The following GALNTL6 variants were observed in gnomAD, a reference collection of about 807,000 sequenced individuals.
GALNTL6 encodes the protein polypeptide N-acetylgalactosaminyltransferase-like 6.
GALNTL6 carries 46 observed loss-of-function variants against 73.7 expected under a neutral mutation model. The ratio of observed to expected loss-of-function variants is 0.62; its 90% CI spans 0.49 to 0.80. GALNTL6 has a LOEUF of 0.80. Ranked by LOEUF, GALNTL6 falls within the 30% of genes least tolerant of loss-of-function variation. The pLI, the probability that GALNTL6 is intolerant of heterozygous loss-of-function variation, is 0.00. For missense variants in GALNTL6, 604 were observed against 755.0 expected (o/e 0.80, Z 2.34); for synonymous variants, 259 against 263.7 (o/e 0.98, Z 0.17).
chr4:172,617,418 A>G, intron 5 of GALNTL6, among the ~76,000 whole-genome samples: 1 of 148,196 alleles, frequency 6.7e-6, no homozygotes. Context: ...AAAAAAAAAA[A>G]GAAGAAAAGA....
At chr4:171,828,130 G>T (rs1734873531) in intron 2 of GALNTL6, among the ~76,000 whole-genome samples, 1 of 152,122 alleles carries the variant, frequency 6.6e-6, no homozygotes, top group African/African-American at 2.4e-5. Context: ...ATATAAAGAT[G>T]CAGTATTGGG....
intron 2 of GALNTL6, among the ~76,000 whole-genome samples, chr4:171,980,095 C>T (rs1009856655): frequency 6.6e-6 from 1 of 152,030 alleles, no homozygotes; most frequent in Non-Finnish European, 1.5e-5. Context: ...TGTTTATTTC[C>T]TCAAATGCAT....
At chr4:171,925,601 T>C (rs1273412800) in intron 2 of GALNTL6, among the ~76,000 whole-genome samples, 1 of 152,206 alleles carries the variant, frequency 6.6e-6, no homozygotes, top group African/African-American at 2.4e-5. Flanking sequence ...TTTTGATATA[T>C]TTCATTTATA....
At position 172,530,165 on chromosome 4, in the gene GALNTL6, G is replaced by A. The variant is rs1735121649; in HGVS notation, c.553+181476G>A. Reference sequence around the variant, plus strand: ...AAAACTCGAAGCTACCAACCTTTATGACTGTCTACTTCCCTTACCCACATT... The same window carrying A: ...AAAACTCGAAGCTACCAACCTTTATAACTGTCTACTTCCCTTACCCACATT... On this transcript the variant is annotated intron_variant, in intron 5 of 12. Coordinates refer to ENST00000506823, the MANE Select transcript of GALNTL6 (RefSeq NM_001034845.3). 2.0e-5 allele frequency among the ~76,000 whole-genome samples: 3 copies of A among 152,014 alleles called. No individual in the cohort carries two copies. The South Asian group carries it at 6.2e-4, about 31-fold the overall frequency.
intron 10 of GALNTL6, among the ~76,000 whole-genome samples, chr4:172,989,376 G>A (rs1327789128): frequency 6.6e-6 from 1 of 152,186 alleles, no homozygotes; most frequent in Non-Finnish European, 1.5e-5. Context: ...TTGAGTTAAT[G>A]CTGAAATGAA....
chr4:173,021,406 T>C, intron 11 of GALNTL6, 70 bp from the exon 12 acceptor site: 1 of 1,494,726 alleles, frequency 6.7e-7, no homozygotes, highest in Non-Finnish European at 9.2e-7. Flanking sequence ...AAGACATACC[T>C]TCCCCCGCCC....
chr4:172,084,846 A>C (rs1046027454), intron 2 of GALNTL6, among the ~76,000 whole-genome samples: 1 of 152,202 alleles, frequency 6.6e-6, no homozygotes, highest in Non-Finnish European at 1.5e-5. Context: ...GAAGGAGAAT[A>C]GACACAGCCA....
At chr4:171,829,960 GTCT>G (rs1159021770) in intron 2 of GALNTL6, among the ~76,000 whole-genome samples, 1 of 151,660 alleles carries the variant, frequency 6.6e-6, no homozygotes, top group Non-Finnish European at 1.5e-5. Context: ...TCAATCACAA[GTCT>G]TCTTACAAAA....
In GALNTL6 at chr4:172,950,557, G is replaced by C. The variant is rs143962630; in HGVS notation, c.1150-1480G>C. ...GGACAAGGTCAGACAGGAGAGACCTGCTGGGAGACACTGAACACACGGAGT... is the reference window on the plus strand; with the variant it reads ...GGACAAGGTCAGACAGGAGAGACCTCCTGGGAGACACTGAACACACGGAGT... On this transcript the variant is annotated intron_variant, in intron 9 of 12. Coordinates refer to ENST00000506823, the MANE Select transcript of GALNTL6 (RefSeq NM_001034845.3). Among the ~76,000 whole-genome samples, 1,077 of 152,294 alleles carry C rather than the reference G, an allele frequency of 7.1e-3. 9 individuals carry two copies. Among genetic ancestry groups the C allele is most frequent in the African/African-American group, 0.025 (1,030 of 41,566 alleles).
chr4:172,931,653 T>A (rs746959156), intron 9 of GALNTL6, among the ~76,000 whole-genome samples: 1 of 152,084 alleles, frequency 6.6e-6, no homozygotes, highest in Non-Finnish European at 1.5e-5. Context: ...TGTAGCAGGA[T>A]CTGTAATAAG....
intron 8 of GALNTL6, among the ~76,000 whole-genome samples, chr4:172,885,960 G>A (rs1043484761): frequency 2.6e-5 from 4 of 152,062 alleles, no homozygotes; most frequent in East Asian, 1.9e-4. Context: ...ATGTTTTGTC[G>A]AGGGTTTTTA....
chr4:172,821,111 C>T (rs1421622611), intron 7 of GALNTL6, among the ~76,000 whole-genome samples: 1 of 152,204 alleles, frequency 6.6e-6, no homozygotes, highest in Non-Finnish European at 1.5e-5. Context: ...TAGCACTTCA[C>T]CGTATGTAAA....
intron 2 of GALNTL6, among the ~76,000 whole-genome samples, chr4:172,036,612 T>C (rs1369513061): frequency 6.6e-6 from 1 of 152,132 alleles, no homozygotes; most frequent in Non-Finnish European, 1.5e-5. Context: ...CAGTATATAA[T>C]TAACCACTTT....
At chr4:172,172,567 CAAG>C (rs904841407) in intron 2 of GALNTL6, among the ~76,000 whole-genome samples, 1 of 151,726 alleles carries the variant, frequency 6.6e-6, no homozygotes, top group Non-Finnish European at 1.5e-5. Flanking sequence ...TGTAAAAACA[CAAG>C]GAGGAGAAGA....
chr4:172,053,283 TA>T (rs66918444), intron 2 of GALNTL6, among the ~76,000 whole-genome samples: 7 of 152,100 alleles, frequency 4.6e-5, no homozygotes, highest in South Asian at 2.1e-4. Context: ...GGTGTTTTTT[TA>T]AAAAAAACAC....
chr4:172,266,731 C>A (rs1483934364), intron 3 of GALNTL6, among the ~76,000 whole-genome samples: 1 of 151,974 alleles, frequency 6.6e-6, no homozygotes, highest in Non-Finnish European at 1.5e-5. Flanking sequence ...TAGCTATTTC[C>A]ATTTTTATGG....
intron 5 of GALNTL6, among the ~76,000 whole-genome samples, chr4:172,639,202 A>G (rs1017063680): frequency 1.3e-5 from 2 of 152,132 alleles, no homozygotes; most frequent in Admixed American, 1.3e-4. Flanking sequence ...TTTAGCATTC[A>G]TCGATGATTC....
At chr4:173,005,333 A>G (rs1752227062) in intron 10 of GALNTL6, among the ~76,000 whole-genome samples, 1 of 152,134 alleles carries the variant, frequency 6.6e-6, no homozygotes, top group African/African-American at 2.4e-5. Context: ...CACAATTGCA[A>G]TGCTGTCAAG....
chr4:172,000,977 G>A (rs1343277313), intron 2 of GALNTL6, among the ~76,000 whole-genome samples: 1 of 152,138 alleles, frequency 6.6e-6, no homozygotes, highest in Non-Finnish European at 1.5e-5. Flanking sequence ...AAGTTGTTGA[G>A]AAAGATATGT....
Sources: allele counts gnomAD v4.1 joint callset (sites outside exome capture counted in the v4.1 genomes callset), GRCh38; gene constraint gnomAD v4.1.1; transcripts MANE v1.5; gene names NCBI Gene and HGNC (gene_info 2026-07-23, HGNC 2026-07-21).